Variants in CFH observed in about 807,000 individuals in gnomAD.
CFH encodes the protein H factor 1 (complement).
In CFH, 53 loss-of-function variants were observed where a neutral mutation model predicts 147.3. The ratio of observed to expected loss-of-function variants is 0.36; its 90% CI spans 0.29 to 0.45. The LOEUF (loss-of-function observed/expected upper bound fraction) is 0.45. Ranked by LOEUF, CFH falls within the 20% of genes least tolerant of loss-of-function variation. The pLI, the probability that CFH is intolerant of heterozygous loss-of-function variation, is 1.00. For synonymous variants in CFH, 536 were observed against 489.4 expected, an observed-to-expected ratio of 1.10 and a Z score of -1.26; for missense variants, 1,380 against 1,498.0, an observed-to-expected ratio of 0.92 and a Z score of 1.30.
At chr1:196,730,642 C>T (rs1328497501) in intron 15 of CFH, among the ~76,000 whole-genome samples, 1 of 151,750 alleles carries the variant, frequency 6.6e-6, no homozygotes, top group Non-Finnish European at 1.5e-5. Context: ...GATATTCTGT[C>T]TGGATGATCT....
chr1:196,713,650 A>G (rs1668774790), intron 9 of CFH, 85 bp from the exon 10 acceptor site: 5 of 903,992 alleles, frequency 5.5e-6, no homozygotes, highest in African/African-American at 1.7e-5. Context: ...ATGACTCATT[A>G]TTTTTTATAT....
At chr1:196,735,840 A>T (rs1669388849) in intron 15 of CFH, among the ~76,000 whole-genome samples, 1 of 152,090 alleles carries the variant, frequency 6.6e-6, no homozygotes, top group Admixed American at 6.6e-5. Context: ...AAAACTCGAC[A>T]TTATCAATAA....
rs574219273 is a variant in CFH, at chr1:196,746,110, T to C, written c.3493+111T>C. On this transcript the variant is annotated intron_variant, in intron 21 of 21. Coordinates refer to ENST00000367429, the MANE Select transcript of CFH (RefSeq NM_000186.4). ...ATTGAACAACCATTCTGCTGAATGC[T>C]TGCCTACCAAATATTTCTGTCAGAA... 329 of 1,576,266 alleles carry C rather than the reference T, an allele frequency of 2.1e-4. 1 individual carries two copies. The highest frequency in any genetic ancestry group is 1.7e-3 in the African/African-American group (126 of 73,806).
At chr1:196,716,453 A>T (rs1002548543) in intron 11 of CFH, among the ~76,000 whole-genome samples, 1 of 152,136 alleles carries the variant, frequency 6.6e-6, no homozygotes, top group Non-Finnish European at 1.5e-5. Flanking sequence ...TCATTTTATG[A>T]CTAATGAAAA....
intron 1 of CFH, among the ~76,000 whole-genome samples, chr1:196,658,407 A>AT (rs549213437): frequency 0.027 from 2,522 of 92,200 alleles, 236 homozygotes; most frequent in African/African-American, 0.1. Context: ...TGCTCAGGTA[A>AT]TTTTTTTTTT....
chr1:196,671,585 A>AACACACACAC (rs1364352039), intron 1 of CFH, among the ~76,000 whole-genome samples: 1 of 95,826 alleles, frequency 1.0e-5, no homozygotes, highest in East Asian at 3.4e-4. Flanking sequence ...TCAAAAGACT[A>AACACACACAC]ATACACACAC....
intron 9 of CFH, among the ~76,000 whole-genome samples, chr1:196,697,921 G>A (rs113417995): frequency 5.5e-5 from 8 of 146,788 alleles, no homozygotes; most frequent in African/African-American, 1.0e-4. Context: ...ACCAAGCATC[G>A]CATGCTCTCA....
chr1:196,680,469 A>G (rs751943352), intron 6 of CFH, among the ~76,000 whole-genome samples: 11 of 151,890 alleles, frequency 7.2e-5, no homozygotes, highest in Non-Finnish European at 1.2e-4. Flanking sequence ...GTTTCAAACT[A>G]TCATGGCCAA....
At chr1:196,702,293 A>G (rs927883441) in intron 9 of CFH, among the ~76,000 whole-genome samples, 1 of 151,950 alleles carries the variant, frequency 6.6e-6, no homozygotes, top group South Asian at 2.1e-4. Flanking sequence ...CCATTTAGGC[A>G]GGGTGTCACT....
chr1:196,691,739 CAT>C (rs1387289667), intron 9 of CFH, among the ~76,000 whole-genome samples: 1 of 151,802 alleles, frequency 6.6e-6, no homozygotes, highest in Non-Finnish European at 1.5e-5. Context: ...GCATTATGAA[CAT>C]AAGTTGCTCA....
intron 21 of CFH, among the ~76,000 whole-genome samples, chr1:196,746,792 T>C (rs1558187348): frequency 1.3e-5 from 2 of 152,200 alleles, no homozygotes; most frequent in East Asian, 1.9e-4. Flanking sequence ...AGCTGAAAGT[T>C]TGTACTCTTT....
intron 1 of CFH, among the ~76,000 whole-genome samples, chr1:196,665,986 C>A (rs913073888): frequency 1.3e-5 from 2 of 152,160 alleles, no homozygotes; most frequent in African/African-American, 4.8e-5. Flanking sequence ...GATAGACTTA[C>A]CCATTGCCAA....
Position 196,747,482 on chromosome 1 carries a change from C to G in CFH, c.*169C>G. ...CCGGTGGCTCTCTTCTTAAAAGCACCATATTAAATCCTGGAAAACTAACGG... is the reference window on the plus strand; with the variant it reads ...CCGGTGGCTCTCTTCTTAAAAGCACGATATTAAATCCTGGAAAACTAACGG... On this transcript the variant is annotated 3_prime_UTR_variant, in exon 22 of 22. Transcript: ENST00000367429. The G allele has an allele frequency of 1.1e-6, 1 of 885,624 alleles. No homozygotes were observed. Among genetic ancestry groups the G allele is most frequent in the Non-Finnish European group, 1.8e-6 (1 of 568,494 alleles). The allele number at this position is 885,624 out of a possible 1,614,324, so 54.9% of individuals were successfully genotyped here.
chr1:196,661,284 TTTTC>T (rs1666893737), intron 1 of CFH, among the ~76,000 whole-genome samples: 1 of 152,218 alleles, frequency 6.6e-6, no homozygotes, highest in African/African-American at 2.4e-5. Context: ...TTATATGGTG[TTTTC>T]TTTCTTATGA....
intron 1 of CFH, among the ~76,000 whole-genome samples, chr1:196,670,878 A>T (rs1470412801): frequency 1.3e-5 from 2 of 152,110 alleles, no homozygotes; most frequent in South Asian, 2.1e-4. Flanking sequence ...TGTTTCTTCA[A>T]ATATTGCCTA....
At chr1:196,678,183 T>A in intron 5 of CFH, 1 of 162,590 alleles carries the variant, frequency 6.2e-6, no homozygotes, top group Non-Finnish European at 1.4e-5. Context: ...GCAGACCTAT[T>A]TTATATTTGT....
At chr1:196,692,571 CT>C (rs1023998247) in intron 9 of CFH, among the ~76,000 whole-genome samples, 26 of 93,938 alleles carry the variant, frequency 2.8e-4, no homozygotes, top group African/African-American at 9.1e-4. Flanking sequence ...TTCTTTCTTT[CT>C]TTTTCTTTCT....
intron 15 of CFH, among the ~76,000 whole-genome samples, chr1:196,734,321 T>C (rs563024001): frequency 1.3e-5 from 2 of 152,176 alleles, no homozygotes; most frequent in South Asian, 4.1e-4. Flanking sequence ...TTTTAGGACA[T>C]TCTTGGGTGG....
intron 1 of CFH, among the ~76,000 whole-genome samples, chr1:196,665,534 A>G (rs1241886932): frequency 6.6e-6 from 1 of 151,924 alleles, no homozygotes; most frequent in Non-Finnish European, 1.5e-5. Flanking sequence ...ATTTGTGTGC[A>G]TGTGTCTGTG....
Sources: gnomAD v4.1 joint callset for allele counts (sites outside exome capture counted in the v4.1 genomes callset) on GRCh38, gnomAD v4.1.1 for gene constraint, MANE v1.5 for transcripts, NCBI Gene and HGNC (gene_info 2026-07-23, HGNC 2026-07-21) for gene names.